SLC30A8: variants seen among roughly 807,000 people sequenced by gnomAD.
SLC30A8 encodes the protein solute carrier family 30 member 8, also known as proton-coupled zinc antiporter SLC30A8.
Under a neutral mutation model 36.9 loss-of-function variants are expected in SLC30A8, and 27 were observed. The observed-to-expected ratio is 0.73, with a 90% CI of 0.54 to 1.01. The LOEUF is 1.01. Among genes scored for constraint, SLC30A8 ranks in the 50% least tolerant of loss-of-function variants. The pLI is 0.00. For synonymous variants in SLC30A8, 164 were observed against 172.4 expected (o/e 0.95, Z 0.38); for missense variants, 439 against 452.0 (o/e 0.97, Z 0.26).
At chr8:117,009,787 C>G (rs1431986486) in intron 1 of SLC30A8, among the ~76,000 whole-genome samples, 1 of 152,118 alleles carries the variant, frequency 6.6e-6, no homozygotes, top group Non-Finnish European at 1.5e-5. Context: ...CAGTATTTAC[C>G]TGGGAAGATT....
chr8:117,083,432 T>G (rs1177228780), intron 2 of SLC30A8, among the ~76,000 whole-genome samples: 1 of 152,158 alleles, frequency 6.6e-6, no homozygotes, highest in Non-Finnish European at 1.5e-5. Flanking sequence ...AAGGCCCAGG[T>G]CCCTTGCCTT....
At chr8:117,077,745 C>T (rs144246678) in intron 2 of SLC30A8, among the ~76,000 whole-genome samples, 1 of 152,270 alleles carries the variant, frequency 6.6e-6, no homozygotes, top group East Asian at 1.9e-4. Flanking sequence ...GAAAAAAATC[C>T]TGGAGACAGA....
At chr8:117,075,948 G>C (rs373407907) in intron 2 of SLC30A8, among the ~76,000 whole-genome samples, 28 of 152,194 alleles carry the variant, frequency 1.8e-4, no homozygotes, top group African/African-American at 6.5e-4. Context: ...TACACAATAT[G>C]GGTTTGTGTC....
intron 1 of SLC30A8, among the ~76,000 whole-genome samples, chr8:117,035,843 C>T (rs935142600): frequency 1.3e-5 from 2 of 152,192 alleles, no homozygotes; most frequent in African/African-American, 2.4e-5. Context: ...GGAGCTTGCA[C>T]CTCTAAAGCT....
At chr8:117,048,353 C>T (rs116473911) in intron 2 of SLC30A8, among the ~76,000 whole-genome samples, 549 of 152,258 alleles carry the variant, frequency 3.6e-3, no homozygotes, top group Middle Eastern at 0.01. Context: ...ACAGGATTGA[C>T]GAGCTGGCAG....
At chr8:117,166,882 A>T (rs535538122) in intron 6 of SLC30A8, among the ~76,000 whole-genome samples, 7 of 149,570 alleles carry the variant, frequency 4.7e-5, no homozygotes, top group Non-Finnish European at 1.0e-4. Context: ...CTAAGTATAC[A>T]TTTAAAGGTT....
chr8:117,065,246 AT>A (rs1367181812), intron 2 of SLC30A8, among the ~76,000 whole-genome samples: 3 of 152,196 alleles, frequency 2.0e-5, no homozygotes, highest in Non-Finnish European at 4.4e-5. Context: ...ATATGAGTAT[AT>A]AACTTTTCTC....
chr8:117,115,972 G>A (rs1820426116), intron 2 of SLC30A8, among the ~76,000 whole-genome samples: 1 of 152,060 alleles, frequency 6.6e-6, no homozygotes, highest in Non-Finnish European at 1.5e-5. Context: ...TTGTGTGTTG[G>A]TTGTGCGTTT....
intron 2 of SLC30A8, among the ~76,000 whole-genome samples, chr8:117,074,223 G>A (rs1399712751): frequency 6.6e-6 from 1 of 152,144 alleles, no homozygotes; most frequent in East Asian, 1.9e-4. Flanking sequence ...GTTTCTAAGT[G>A]ATTAGATTTA....
At chr8:117,072,220 T>G (rs1818354392) in intron 2 of SLC30A8, among the ~76,000 whole-genome samples, 1 of 152,204 alleles carries the variant, frequency 6.6e-6, no homozygotes, top group South Asian at 2.1e-4. Flanking sequence ...TTTCCACTTT[T>G]GTTATTCATT....
At chr8:116,977,141 C>CTTTTTTTTTTTTTTTTTTTTTTTTTTGTT (rs71305451) in intron 1 of SLC30A8, among the ~76,000 whole-genome samples, 3 of 59,094 alleles carry the variant, frequency 5.1e-5, no homozygotes, top group Non-Finnish European at 8.4e-5. Context: ...CTTTTTCTTG[C>CTTTTTTTTTTTTTTTTTTTTTTTTTTGTT]TTTTTTTTTT....
chr8:117,158,114 A>G (rs1822595770), intron 4 of SLC30A8, among the ~76,000 whole-genome samples: 2 of 152,208 alleles, frequency 1.3e-5, no homozygotes, highest in African/African-American at 2.4e-5. Flanking sequence ...ACCAACTTTA[A>G]TGTTCACAAC....
intron 1 of SLC30A8, among the ~76,000 whole-genome samples, chr8:116,964,160 T>C (rs1237220159): frequency 6.6e-6 from 1 of 152,232 alleles, no homozygotes; most frequent in East Asian, 1.9e-4. Flanking sequence ...CAAATTGAGC[T>C]GAATTAGTTT....
intron 1 of SLC30A8, among the ~76,000 whole-genome samples, chr8:116,993,626 A>G (rs967826142): frequency 6.6e-6 from 1 of 152,044 alleles, no homozygotes. Flanking sequence ...ATGTGACAAT[A>G]TGGAGAATAG....
At chr8:117,037,783 C>T (rs1817261390) in intron 1 of SLC30A8, among the ~76,000 whole-genome samples, 1 of 152,124 alleles carries the variant, frequency 6.6e-6, no homozygotes, top group Admixed American at 6.5e-5. Context: ...AACTGACCAC[C>T]CATCAAGCTA....
intron 2 of SLC30A8, among the ~76,000 whole-genome samples, chr8:117,097,396 C>CA (rs1157294543): frequency 0.045 from 1,119 of 25,034 alleles, 77 homozygotes; most frequent in East Asian, 0.14. Context: ...GACTCCATCT[C>CA]AAAAAAAAAA....
At chr8:117,006,103 A>G (rs932798380) in intron 1 of SLC30A8, among the ~76,000 whole-genome samples, 1 of 152,220 alleles carries the variant, frequency 6.6e-6, no homozygotes, top group East Asian at 1.9e-4. Context: ...AGAGGCACTA[A>G]TAACCTCTGA....
chr8:117,163,642 T>C (rs1563637562), intron 6 of SLC30A8, 112 bp downstream of exon 6: 4 of 813,586 alleles, frequency 4.9e-6, no homozygotes, highest in Admixed American at 3.1e-5. Context: ...TGGGAAAAAT[T>C]TAAAGTGAAA....
intron 2 of SLC30A8, among the ~76,000 whole-genome samples, chr8:117,040,778 C>T (rs779170406): frequency 3.2e-4 from 48 of 152,266 alleles, no homozygotes; most frequent in Middle Eastern, 3.4e-3. Flanking sequence ...TAATGCCTTT[C>T]ATTTCAAAGT....
Sources: allele counts gnomAD v4.1 joint callset (sites outside exome capture counted in the v4.1 genomes callset), GRCh38; gene constraint gnomAD v4.1.1; transcripts MANE v1.5; gene names NCBI Gene and HGNC (gene_info 2026-07-23, HGNC 2026-07-21).